The following DMD variants were observed in gnomAD, a reference collection of about 807,000 sequenced individuals.
DMD encodes dystrophin.
Under a neutral mutation model 330.1 loss-of-function variants are expected in DMD, and 63 were observed. The observed-to-expected ratio is 0.19, with a 90% CI of 0.16 to 0.24. DMD has a LOEUF of 0.24. Ranked by LOEUF, DMD falls within the 10% of genes least tolerant of loss-of-function variation. DMD has a pLI of 1.00. For synonymous variants in DMD, 1,223 were observed against 959.8 expected (o/e 1.27, Z -5.07); for missense variants, 3,344 against 2,684.1 (o/e 1.25, Z -5.43).
chrX:32,537,437 C>G (rs899147421), intron 17 of DMD, among the ~76,000 whole-genome samples: 1 of 111,204 alleles, frequency 9.0e-6, no homozygotes, highest in Non-Finnish European at 1.9e-5. Flanking sequence ...GAATAGAAGA[C>G]AGGGAAGATA....
intron 1 of DMD, among the ~76,000 whole-genome samples, chrX:33,279,974 G>GTTCTTGATATCTAGATATCTA (rs1263976108): frequency 7.1e-5 from 1 of 14,027 alleles, no homozygotes; most frequent in African/African-American, 2.9e-4. Context: ...CTAGATATAT[G>GTTCTTGATATCTAGATATCTA]GTTTGCCAAT....
chrX:33,104,840 G>A (rs769659112), intron 1 of DMD, among the ~76,000 whole-genome samples: 2 of 112,422 alleles, frequency 1.8e-5, no homozygotes, highest in East Asian at 5.6e-4. Flanking sequence ...CTAAAATAGT[G>A]TTTATTCTCA....
intron 7 of DMD, among the ~76,000 whole-genome samples, chrX:32,782,698 T>A (rs963441026): frequency 3.6e-5 from 4 of 110,361 alleles, no homozygotes; most frequent in African/African-American, 1.3e-4. Flanking sequence ...AACCTCTGAT[T>A]TGATACAATA....
At chrX:32,749,812 A>T (rs1036812602) in intron 7 of DMD, among the ~76,000 whole-genome samples, 10 of 112,360 alleles carry the variant, frequency 8.9e-5, no homozygotes, top group African/African-American at 3.2e-4. Context: ...ACACAATTAA[A>T]AGCCAAAAAA....
intron 44 of DMD, among the ~76,000 whole-genome samples, chrX:32,175,174 T>G (rs1397919934): frequency 1.8e-5 from 2 of 111,203 alleles, no homozygotes; most frequent in African/African-American, 3.3e-5. Flanking sequence ...TATTGAGAGG[T>G]GAGGCCAGCT....
intron 2 of DMD, among the ~76,000 whole-genome samples, chrX:32,975,514 A>T (rs1335906101): frequency 9.1e-6 from 1 of 109,337 alleles, no homozygotes; most frequent in Non-Finnish European, 1.9e-5. Context: ...CAAAATCGTG[A>T]TTTTGTTTAG....
chrX:32,854,135 T>C (rs2081358966), intron 2 of DMD, among the ~76,000 whole-genome samples: 1 of 111,442 alleles, frequency 9.0e-6, no homozygotes, highest in South Asian at 3.8e-4. Context: ...GCCTTGGACG[T>C]CATCAGGCAA....
rs771194265 is a variant in DMD at position 31,177,850 on chromosome X, A to G, written c.10262+82T>C. 9.0e-6 allele frequency: 8 copies of G among 884,765 alleles called. No individual in the cohort carries two copies. In the African/African-American group the frequency reaches 1.0e-4, roughly 11 times the overall value. 72.9% of individuals were successfully genotyped at this position (884,765 alleles called of 1,213,427 possible). On this transcript the variant is annotated intron_variant, in intron 71 of 78. Transcript: ENST00000357033. ...AAAACAAAACAAAACAAAAGAAAAC[A>G]AACAAATAAACAGAACAAAAGAGAA...
chrX:33,131,361 T>C (rs2095498522), intron 1 of DMD, among the ~76,000 whole-genome samples: 1 of 111,601 alleles, frequency 9.0e-6, no homozygotes, highest in African/African-American at 3.3e-5. Flanking sequence ...TCTCTAGAAA[T>C]GAGACTCAAG....
chrX:31,701,757 T>C (rs1413604781), intron 52 of DMD, among the ~76,000 whole-genome samples: 2 of 112,691 alleles, frequency 1.8e-5, no homozygotes, highest in African/African-American at 3.2e-5. Context: ...AAGGATGGTT[T>C]GTGTATGAGC....
intron 29 of DMD, among the ~76,000 whole-genome samples, chrX:32,436,488 T>C (rs2098261799): frequency 9.0e-6 from 1 of 111,687 alleles, no homozygotes; most frequent in Non-Finnish European, 1.9e-5. Context: ...AAATGAATTA[T>C]TTTTTCTTTG....
At chrX:32,837,897 T>TAAC (rs1461812267) in intron 4 of DMD, among the ~76,000 whole-genome samples, 1 of 112,018 alleles carries the variant, frequency 8.9e-6, no homozygotes, top group Non-Finnish European at 1.9e-5. Context: ...TTAGTTAATG[T>TAAC]AACTGAAATT....
intron 30 of DMD, among the ~76,000 whole-genome samples, chrX:32,407,356 C>T (rs1487546851): frequency 4.5e-5 from 5 of 111,589 alleles, no homozygotes; most frequent in Non-Finnish European, 9.4e-5. Flanking sequence ...ATTTATGCAG[C>T]CAAAAGACAC....
At chrX:33,299,313 A>C (rs1318590876) in intron 1 of DMD, among the ~76,000 whole-genome samples, 1 of 111,777 alleles carries the variant, frequency 8.9e-6, no homozygotes, top group Non-Finnish European at 1.9e-5. Context: ...AAGACTTTTG[A>C]TCTGAATGGC....
In DMD at chrX:32,329,366, A is replaced by G. The variant is rs761661328; in HGVS notation, c.5922+12734T>C. Among the ~76,000 whole-genome samples the G allele has an allele frequency of 8.9e-5, 10 of 112,074 alleles. No individual in the cohort carries two copies. In the East Asian group the frequency reaches 2.8e-3, roughly 32 times the overall value. Reference sequence around the variant, plus strand: ...TCCTGCAATGTGACGGGAGACCAGCAAGGAAATATCCAGAAATAGAGGCCC... The same window carrying G: ...TCCTGCAATGTGACGGGAGACCAGCGAGGAAATATCCAGAAATAGAGGCCC... On this transcript the variant is annotated intron_variant, in intron 41 of 78. Transcript: ENST00000357033.
At chrX:33,225,416 G>T (rs1306230585) in intron 1 of DMD, among the ~76,000 whole-genome samples, 1 of 111,366 alleles carries the variant, frequency 9.0e-6, no homozygotes, top group African/African-American at 3.3e-5. Context: ...CACACAAATT[G>T]CTCAACTGAT....
At chrX:31,959,506 C>T (rs1174403350) in intron 45 of DMD, among the ~76,000 whole-genome samples, 1 of 111,772 alleles carries the variant, frequency 8.9e-6, no homozygotes, top group Non-Finnish European at 1.9e-5. Flanking sequence ...AGTGGTCACT[C>T]ATTTACTTCT....
intron 65 of DMD, 118 bp from the exon 66 acceptor site, chrX:31,206,785 T>C (rs2044116000): frequency 1.6e-5 from 9 of 573,077 alleles, no homozygotes; most frequent in Non-Finnish European, 1.8e-5. Flanking sequence ...CTCAATGATG[T>C]GTGAACTCTA....
intron 21 of DMD, among the ~76,000 whole-genome samples, chrX:32,477,229 C>A (rs1251085439): frequency 1.8e-5 from 2 of 110,072 alleles, no homozygotes; most frequent in Non-Finnish European, 3.8e-5. Flanking sequence ...AGCTTGGAAG[C>A]ACGTGCTGTA....
Sources: gnomAD v4.1 joint callset for allele counts (sites outside exome capture counted in the v4.1 genomes callset) on GRCh38, gnomAD v4.1.1 for gene constraint, MANE v1.5 for transcripts, NCBI Gene and HGNC (gene_info 2026-07-23, HGNC 2026-07-21) for gene names.